The following GKAP1 variants were observed in gnomAD, a reference collection of about 807,000 sequenced individuals.
The protein encoded by GKAP1 is G kinase-anchoring protein 1.
Under a neutral mutation model 56.7 loss-of-function variants are expected in GKAP1, and 31 were observed. The observed-to-expected ratio is 0.55, with a 90% CI of 0.41 to 0.74. The LOEUF is 0.74. Ranked by LOEUF, GKAP1 falls within the 30% of genes least tolerant of loss-of-function variation. The probability of loss-of-function intolerance (pLI) is 0.00; values close to 1 mark genes in which losing one functional copy is unlikely to be tolerated. For missense variants in GKAP1, 364 were observed against 402.3 expected (o/e 0.90, Z 0.82); for synonymous variants, 151 against 138.6 (o/e 1.09, Z -0.63).
intron 2 of GKAP1, among the ~76,000 whole-genome samples, chr9:83,808,721 G>A (rs1209519195): frequency 6.6e-6 from 1 of 152,146 alleles, no homozygotes; most frequent in African/African-American, 2.4e-5. Context: ...ATTGCAAGTG[G>A]CAGCTGTATT....
At chr9:83,776,177 T>C (rs999817484) in intron 7 of GKAP1, among the ~76,000 whole-genome samples, 1 of 152,194 alleles carries the variant, frequency 6.6e-6, no homozygotes, top group African/African-American at 2.4e-5. Flanking sequence ...GTTTTGTTTA[T>C]GCTGGATTGA....
chr9:83,796,214 G>A (rs577321140), intron 4 of GKAP1, among the ~76,000 whole-genome samples: 1 of 152,154 alleles, frequency 6.6e-6, no homozygotes, highest in East Asian at 1.9e-4. Flanking sequence ...TTACAGGCAT[G>A]AGCCACTGCA....
chr9:83,785,425 T>C (rs181736163), intron 5 of GKAP1, among the ~76,000 whole-genome samples: 1 of 152,316 alleles, frequency 6.6e-6, no homozygotes, highest in East Asian at 1.9e-4. Context: ...TATTTCTGTA[T>C]AGACAGACAA....
At chr9:83,746,634 C>T (rs910990000) in intron 10 of GKAP1, among the ~76,000 whole-genome samples, 4 of 151,944 alleles carry the variant, frequency 2.6e-5, no homozygotes, top group African/African-American at 7.3e-5. Context: ...ACCTGGGAGG[C>T]GGAGCTTGCA....
chr9:83,799,128 T>A (rs1564211118), intron 4 of GKAP1, 57 bp downstream of exon 4: 15 of 1,456,564 alleles, frequency 1.0e-5, no homozygotes, highest in Non-Finnish European at 1.4e-5. Flanking sequence ...GGCACTGCCA[T>A]GTGAAAAATC....
chr9:83,787,241 A>AT (rs375820583), intron 5 of GKAP1, among the ~76,000 whole-genome samples: 8 of 152,224 alleles, frequency 5.3e-5, no homozygotes, highest in Admixed American at 1.3e-4. Flanking sequence ...AATGCTGTGA[A>AT]TTTTTTTGTT....
rs188482035 is a variant in GKAP1, at chr9:83,764,249, G to A, written c.738+4569C>T. On this transcript the variant is annotated intron_variant, in intron 8 of 12. Transcript: ENST00000376371. ...CCAAGTGTCAAGGTGAAACTAGGTG[G>A]AGAGGGCAGTTTCCCCCATACTGCT... is the stretch of plus-strand genomic sequence containing the variant. Among the ~76,000 whole-genome samples the A allele has an allele frequency of 5.9e-5, 9 of 152,222 alleles. No homozygotes were observed. The East Asian group carries it at 1.7e-3, about 29-fold the overall frequency.
At chr9:83,780,934 A>G (rs114089464) in intron 6 of GKAP1, among the ~76,000 whole-genome samples, 3 of 152,210 alleles carry the variant, frequency 2.0e-5, no homozygotes, top group East Asian at 1.9e-4. Context: ...AAATTGATAT[A>G]TATTTATAGA....
chr9:83,812,851 C>T (rs1428834402), intron 2 of GKAP1, among the ~76,000 whole-genome samples: 1 of 152,068 alleles, frequency 6.6e-6, no homozygotes, highest in South Asian at 2.1e-4. Flanking sequence ...ACAAGTCAAA[C>T]GACAGAGAGC....
chr9:83,749,109 A>G (rs1418077593), intron 9 of GKAP1: 1 of 152,146 alleles, frequency 6.6e-6, no homozygotes, highest in East Asian at 1.9e-4. Flanking sequence ...ACAAGTATAC[A>G]TTTATGAACA....
At chr9:83,785,359 G>A (rs1057019677) in intron 5 of GKAP1, among the ~76,000 whole-genome samples, 1 of 151,732 alleles carries the variant, frequency 6.6e-6, no homozygotes, top group African/African-American at 2.4e-5. Context: ...TTTTTTTAAT[G>A]CTTTATACCC....
In GKAP1 at chr9:83,786,334, G is replaced by C. The variant is rs538603458; in HGVS notation, c.439-1496C>G. ...GAGGCGGGCGGATCACCTCAGGTCG[G>C]GAGTTCAAGACTAGCCTGACCAACA... On this transcript the variant is annotated intron_variant, in intron 5 of 12. Coordinates refer to ENST00000376371, the MANE Select transcript of GKAP1 (RefSeq NM_025211.4). Among the ~76,000 whole-genome samples the C allele has an allele frequency of 5.3e-5, 8 of 152,186 alleles. No homozygotes were observed. In the East Asian group the frequency reaches 1.5e-3, roughly 29 times the overall value.
At chr9:83,795,588 C>CTTTTTTT (rs58291258) in intron 4 of GKAP1, among the ~76,000 whole-genome samples, 11 of 109,052 alleles carry the variant, frequency 1.0e-4, no homozygotes, top group Non-Finnish European at 1.2e-4. Context: ...CTGAGAGTGT[C>CTTTTTTT]TTTTTTTTTT....
intron 2 of GKAP1, among the ~76,000 whole-genome samples, chr9:83,813,811 GGCA>G (rs1436822478): frequency 6.6e-6 from 1 of 152,164 alleles, no homozygotes; most frequent in Non-Finnish European, 1.5e-5. Context: ...TACTTAAGAT[GGCA>G]GCAGGCCACA....
At position 83,739,632 on chromosome 9, in the gene GKAP1, A is replaced by G; in HGVS notation, c.*65T>C. 7.5e-7 allele frequency: 1 copy of G among 1,325,520 alleles called. No homozygotes were observed. 82.1% of individuals were successfully genotyped at this position (1,325,520 alleles called of 1,614,324 possible). A position where few individuals can be genotyped will look rare whatever the true frequency, so the allele number is the denominator to read the frequency against. The stretch of plus-strand genomic sequence containing the variant: ...TAGTTTAGCAGTTGCACAGCATTAA[A>G]TATATACAACTTTGCAAAATCCTGG... On this transcript the variant is annotated 3_prime_UTR_variant, in exon 13 of 13. Coordinates refer to ENST00000376371, the MANE Select transcript of GKAP1 (RefSeq NM_025211.4).
chr9:83,807,935 C>T (rs1194431269), intron 2 of GKAP1, among the ~76,000 whole-genome samples: 1 of 152,146 alleles, frequency 6.6e-6, no homozygotes, highest in Non-Finnish European at 1.5e-5. Context: ...TTCAATCTTC[C>T]ACCTTAAGTA....
At chr9:83,811,660 T>C (rs1944507263) in intron 2 of GKAP1, among the ~76,000 whole-genome samples, 1 of 152,208 alleles carries the variant, frequency 6.6e-6, no homozygotes, top group South Asian at 2.1e-4. Flanking sequence ...GAAGGTTACT[T>C]CTGAAAAGCT....
Position 83,806,565 on chromosome 9 carries a change from G to T in GKAP1, c.-43-5C>A, listed in dbSNP as rs774764673. 2 of 1,536,976 alleles carry T rather than the reference G, an allele frequency of 1.3e-6. No individual in the cohort carries two copies. The highest frequency in any genetic ancestry group is 1.8e-6 in the Non-Finnish European group (2 of 1,119,610). On this transcript the variant is annotated splice_polypyrimidine_tract_variant and splice_region_variant and intron_variant, in intron 2 of 12. Coordinates refer to ENST00000376371, the MANE Select transcript of GKAP1 (RefSeq NM_025211.4). ...TACTTCTGTCAAGAATAATTTCTGT[G>T]GGGAGGCAGAAGAGTAGGCAGATGG...
intron 8 of GKAP1, among the ~76,000 whole-genome samples, chr9:83,756,316 C>G (rs533624501): frequency 1.3e-5 from 2 of 151,172 alleles, no homozygotes; most frequent in East Asian, 3.9e-4. Context: ...ACTAAAAATA[C>G]AAAAATTAGC....
Sources: allele counts gnomAD v4.1 joint callset (sites outside exome capture counted in the v4.1 genomes callset), GRCh38; gene constraint gnomAD v4.1.1; transcripts MANE v1.5; gene names NCBI Gene and HGNC (gene_info 2026-07-23, HGNC 2026-07-21).